TUSC3: variants seen among roughly 807,000 people sequenced by gnomAD.
TUSC3 encodes dolichyl-diphosphooligosaccharide--protein glycosyltransferase subunit TUSC3.
In TUSC3, 45 loss-of-function variants were observed where a neutral mutation model predicts 44.8. The ratio of observed to expected loss-of-function variants is 1.00; its 90% CI spans 0.79 to 1.29. The LOEUF is 1.29. Ranked by LOEUF, TUSC3 falls within the 50% of genes most tolerant of loss-of-function variation. The pLI is 0.00. For missense variants in TUSC3, 519 were observed against 437.9 expected (o/e 1.19, Z -1.65); for synonymous variants, 212 against 152.9 (o/e 1.39, Z -2.85).
At chr8:15,508,367 G>A (rs570723677) in intron 2 of TUSC3, among the ~76,000 whole-genome samples, 1 of 151,070 alleles carries the variant, frequency 6.6e-6, no homozygotes, top group African/African-American at 2.4e-5. Context: ...TGAATGACAA[G>A]ATCTCAGGGA....
At chr8:15,829,853 T>G in the TUSC3 span, among the ~76,000 whole-genome samples, 3 of 152,276 alleles carry the variant, frequency 2.0e-5, no homozygotes, top group African/African-American at 7.2e-5. Context: ...TTAATTTTAG[T>G]TCTTTGAGAA....
At chr8:15,788,554 A>G in the TUSC3 span, among the ~76,000 whole-genome samples, 3 of 151,842 alleles carry the variant, frequency 2.0e-5, no homozygotes, top group Admixed American at 6.6e-5. Flanking sequence ...CTCAAAAAAA[A>G]AAAAAAAAAA....
intron 1 of TUSC3, among the ~76,000 whole-genome samples, chr8:15,418,223 A>G (rs1450051782): frequency 1.3e-5 from 2 of 152,218 alleles, no homozygotes; most frequent in African/African-American, 4.8e-5. Context: ...CTCCTATAGT[A>G]GCCTATTAGT....
chr8:15,578,477 G>T (rs1803198931), intron 1 of TUSC3, among the ~76,000 whole-genome samples: 1 of 118,992 alleles, frequency 8.4e-6, no homozygotes. Context: ...TTATTATTTT[G>T]AGATATGTCC....
chr8:15,588,997 C>G (rs568188866), intron 1 of TUSC3, among the ~76,000 whole-genome samples: 2 of 152,068 alleles, frequency 1.3e-5, no homozygotes, highest in Non-Finnish European at 2.9e-5. Context: ...GTGATGCTTC[C>G]AGCTTTGTTC....
chr8:15,798,258 G>A, the TUSC3 span, among the ~76,000 whole-genome samples: 4 of 152,094 alleles, frequency 2.6e-5, no homozygotes, highest in Non-Finnish European at 4.4e-5. Flanking sequence ...CCTTCTTTTC[G>A]CACAGTGAAC....
chr8:15,647,210 A>G (rs1806671317), intron 2 of TUSC3, among the ~76,000 whole-genome samples: 1 of 152,288 alleles, frequency 6.6e-6, no homozygotes, highest in African/African-American at 2.4e-5. Context: ...TTATTTCTGC[A>G]TAAGTAGCAT....
intron 7 of TUSC3, among the ~76,000 whole-genome samples, chr8:15,731,572 A>G (rs1249281292): frequency 6.6e-6 from 1 of 152,132 alleles, no homozygotes; most frequent in Non-Finnish European, 1.5e-5. Flanking sequence ...GAGCCCACAA[A>G]GGGCTTATGT....
intron 8 of TUSC3, among the ~76,000 whole-genome samples, chr8:15,746,187 G>A (rs1811406969): frequency 6.6e-6 from 1 of 152,010 alleles, no homozygotes; most frequent in African/African-American, 2.4e-5. Flanking sequence ...GAAATTTGTA[G>A]TAAATTTTTA....
chr8:15,742,360 A>T lies in TUSC3; in HGVS notation c.863-1178A>T, dbSNP rs549670369. 1.2e-4 allele frequency among the ~76,000 whole-genome samples: 19 copies of T among 152,352 alleles called. 1 individual carries two copies. The highest frequency in any genetic ancestry group is 7.8e-4 in the Admixed American group (12 of 15,300). On this transcript the variant is annotated intron_variant, in intron 7 of 10. Coordinates refer to ENST00000503731, the MANE Select transcript of TUSC3 (RefSeq NM_006765.4). The stretch of plus-strand genomic sequence containing the variant: ...GAAAAACCGTTTGTATAGAGAGGTC[A>T]TGGAAGCATAAATGCCTTACTAGAG...
At chr8:15,743,023 A>G (rs563883470) in intron 7 of TUSC3, among the ~76,000 whole-genome samples, 1 of 152,312 alleles carries the variant, frequency 6.6e-6, no homozygotes, top group African/African-American at 2.4e-5. Flanking sequence ...TTATTATAAT[A>G]TGCTTGTCTG....
At chr8:15,793,348 C>G in the TUSC3 span, among the ~76,000 whole-genome samples, 24 of 152,194 alleles carry the variant, frequency 1.6e-4, 1 homozygote, top group African/African-American at 5.5e-4. Flanking sequence ...AGCTCCTCCT[C>G]CTTCTCCACT....
chr8:15,739,406 T>C, intron 7 of TUSC3, among the ~76,000 whole-genome samples: 1 of 152,204 alleles, frequency 6.6e-6, no homozygotes, highest in East Asian at 1.9e-4. Context: ...GTTTTTGACA[T>C]GCTGAAATCT....
chr8:15,637,422 C>T (rs1413564303), intron 2 of TUSC3, among the ~76,000 whole-genome samples: 7 of 151,874 alleles, frequency 4.6e-5, no homozygotes, highest in African/African-American at 7.2e-5. Context: ...TGTGATATAT[C>T]GTCTTTTGTT....
intron 2 of TUSC3, among the ~76,000 whole-genome samples, chr8:15,638,546 A>G (rs557985823): frequency 8.2e-6 from 1 of 122,228 alleles, no homozygotes; most frequent in Non-Finnish European, 1.6e-5. Flanking sequence ...TTTTGGAGAC[A>G]AGAGTCTCAC....
At chr8:15,682,053 G>A (rs893341453) in intron 6 of TUSC3, among the ~76,000 whole-genome samples, 2 of 152,024 alleles carry the variant, frequency 1.3e-5, no homozygotes, top group African/African-American at 4.8e-5. Flanking sequence ...TGATTGTTTT[G>A]AATTTATTAA....
At chr8:15,568,251 G>A (rs1170368587) in intron 1 of TUSC3, among the ~76,000 whole-genome samples, 1 of 152,128 alleles carries the variant, frequency 6.6e-6, no homozygotes, top group Non-Finnish European at 1.5e-5. Context: ...AAGAGAAGAG[G>A]CATTCATTTA....
chr8:15,795,353 G>A, the TUSC3 span, among the ~76,000 whole-genome samples: 1 of 152,156 alleles, frequency 6.6e-6, no homozygotes, highest in Non-Finnish European at 1.5e-5. Flanking sequence ...TGATTTTATT[G>A]TCTTCCAGGG....
At chr8:15,725,332 C>G (rs980933703) in intron 6 of TUSC3, among the ~76,000 whole-genome samples, 1 of 152,126 alleles carries the variant, frequency 6.6e-6, no homozygotes, top group South Asian at 2.1e-4. Context: ...TGATCCCAAG[C>G]CCATTTAACT....
Sources: allele counts gnomAD v4.1 joint callset (sites outside exome capture counted in the v4.1 genomes callset), GRCh38; gene constraint gnomAD v4.1.1; transcripts MANE v1.5; gene names NCBI Gene and HGNC (gene_info 2026-07-23, HGNC 2026-07-21).